PLK1: variants seen among roughly 807,000 people sequenced by gnomAD.
PLK1 encodes the protein polo like kinase 1.
PLK1 carries 6 observed loss-of-function variants against 56.7 expected under a neutral mutation model. The ratio of observed to expected loss-of-function variants is 0.11; its 90% CI spans 0.06 to 0.21. The LOEUF (loss-of-function observed/expected upper bound fraction) is 0.21. Among genes scored for constraint, PLK1 ranks in the 10% least tolerant of loss-of-function variants. PLK1 has a pLI of 1.00. For missense variants in PLK1, 546 were observed against 814.4 expected (o/e 0.67, Z 4.01); for synonymous variants, 298 against 325.0 (o/e 0.92, Z 0.89).
At chr16:23,679,473 TCCCGC>T in intron 1 of PLK1, 133 bp downstream of exon 1, 1 of 786,874 alleles carries the variant, frequency 1.3e-6, no homozygotes, top group South Asian at 1.8e-5. Context: ...GCTGGGAGCC[TCCCGC>T]TTACGTATGG....
chr16:23,688,618 G>A (rs759630351), intron 6 of PLK1, 50 bp from the exon 7 acceptor site: 1 of 1,383,532 alleles, frequency 7.2e-7, no homozygotes, highest in South Asian at 1.2e-5. Flanking sequence ...TGGAGCAGAG[G>A]GGAAGAGGCT....
chr16:23,684,217 C>T (rs754900865), intron 5 of PLK1, 128 bp downstream of exon 5: 11 of 693,880 alleles, frequency 1.6e-5, no homozygotes, highest in Admixed American at 7.6e-5. Context: ...TCCTTCAATC[C>T]GTGGTTCCAA....
chr16:23,679,088 C>G lies in PLK1; in HGVS notation c.156C>G (p.Arg52=), dbSNP rs1334879283. The part of the protein sequence containing the change: ...EVLVDPRSRR[R]YVRGRFLGKG... ...TAGTGGACCCACGCAGCCGGCGGCG[C>G]TATGTGCGGGGCCGCTTTTTGGGCA... Residue 52 remains arginine (R), a synonymous_variant, in exon 1 of 10, where the codon CGC becomes CGG. Coordinates refer to ENST00000300093, the MANE Select transcript of PLK1 (RefSeq NM_005030.6). 1 of 1,606,578 alleles carries G rather than the reference C, an allele frequency of 6.2e-7. No individual in the cohort carries two copies. Among genetic ancestry groups the G allele is most frequent in the East Asian group, 2.2e-5 (1 of 44,652 alleles).
Position 23,684,957 on chromosome 16 carries a change from C to CTTT in PLK1, c.1036+908_1036+910dup, listed in dbSNP as rs71154221. Among the ~76,000 whole-genome samples the CTTT allele has an allele frequency of 1.1e-3, 62 of 56,940 alleles. 14 individuals carry two copies. Among genetic ancestry groups the CTTT allele is most frequent in the Non-Finnish European group, 1.6e-3 (49 of 30,368 alleles). 37.4% of individuals were successfully genotyped at this position (56,940 alleles called of 152,430 possible). A position where few individuals can be genotyped will look rare whatever the true frequency, so the allele number is the denominator to read the frequency against. ...ACAGGCGTGAACCACCAGGCCCGGC[C>CTTT]TTTTTTTTTTTTTTTTTTTTTTTTT... is the stretch of plus-strand genomic sequence containing the variant. On this transcript the variant is annotated intron_variant, in intron 5 of 9. Transcript: ENST00000300093.
At chr16:23,683,780 T>C in intron 4 of PLK1, 90 bp from the exon 5 acceptor site, 2 of 959,758 alleles carry the variant, frequency 2.1e-6, no homozygotes, top group Non-Finnish European at 3.4e-6. Flanking sequence ...GGGCTGCATG[T>C]GGGCTGGGGA....
rs778276138 is a variant in PLK1 at position 23,687,607 on chromosome 16, G to A, written c.1175G>A (p.Arg392His). The A allele has an allele frequency of 1.6e-5, 25 of 1,586,832 alleles. No individual in the cohort carries two copies. Among genetic ancestry groups the A allele is most frequent in the African/African-American group, 8.1e-5 (6 of 74,228 alleles). The change falls in exon 6 of 10, where the codon CGT becomes CAT. Residue 392 changes from arginine to histidine, a missense_variant. Around this residue, in one of 7 missense-constraint regions of PLK1, gnomAD observed 157 missense variants for 184.0 expected, o/e 0.85. Transcript: ENST00000300093. ...HSVNASKPSE[R>H]GLVRQEEAED... ...GTCAATGCCTCCAAGCCCTCGGAGCGTGGGCTGGTCAGGCAAGGTGGGTAC... is the reference window on the plus strand; with the variant it reads ...GTCAATGCCTCCAAGCCCTCGGAGCATGGGCTGGTCAGGCAAGGTGGGTAC...
chr16:23,679,284 G>A lies in PLK1; in HGVS notation c.352G>A (p.Gly118Ser), dbSNP rs1158092975. The A allele has an allele frequency of 1.2e-6, 2 of 1,613,988 alleles. No homozygotes were observed. Among genetic ancestry groups the A allele is most frequent in the Non-Finnish European group, 1.7e-6 (2 of 1,179,994 alleles). Reference protein sequence around the residue: ...LAHQHVVGFHGFFEDNDFVFV... With the variant: ...LAHQHVVGFHSFFEDNDFVFV... ...CCACCAGCACGTCGTAGGATTCCAC[G>A]GCTTTTTCGAGGACAACGACTTCGT... is the stretch of plus-strand genomic sequence containing the variant. The change falls in exon 1 of 10, where the codon GGC becomes AGC. Residue 118 changes from glycine (G) to serine (S), a missense_variant. Coordinates refer to ENST00000300093, the MANE Select transcript of PLK1 (RefSeq NM_005030.6).
chr16:23,686,196 G>A (rs889481829), intron 5 of PLK1, among the ~76,000 whole-genome samples: 15 of 151,818 alleles, frequency 9.9e-5, no homozygotes, highest in African/African-American at 2.9e-4. Context: ...GTGCCACCGC[G>A]TCTGACCAAT....
At position 23,690,164 on chromosome 16, in the gene PLK1, C is replaced by T. The variant is rs761051290; in HGVS notation, c.*101C>T. ...GGTGCCATGTCTGCAGTGTGCCCCCCAGCCCCGGTGGCTGGGCAGAGCTGC... is the reference window on the plus strand; with the variant it reads ...GGTGCCATGTCTGCAGTGTGCCCCCTAGCCCCGGTGGCTGGGCAGAGCTGC... On this transcript the variant is annotated 3_prime_UTR_variant, in exon 10 of 10. Transcript: ENST00000300093. The T allele has an allele frequency of 3.4e-6, 3 of 889,412 alleles. No homozygotes were observed. Among genetic ancestry groups the T allele is most frequent in the African/African-American group, 3.3e-5 (2 of 61,372 alleles). The allele number at this position is 889,412 out of a possible 1,614,324, so 55.1% of individuals were successfully genotyped here. A position where few individuals can be genotyped will look rare whatever the true frequency, so the allele number is the denominator to read the frequency against.
Position 23,683,873 on chromosome 16 carries a change from A to G in PLK1, c.820A>G (p.Ile274Val), listed in dbSNP as rs753166578. 11 of 1,613,428 alleles carry G rather than the reference A, an allele frequency of 6.8e-6. No homozygotes were observed. Among genetic ancestry groups the G allele is most frequent in the East Asian group, 2.2e-5 (1 of 44,874 alleles). Reference sequence around the variant, plus strand: ...GCTGTCCCTCTCTCTGCCCCAGCACATCAACCCCGTGGCCGCCTCCCTCAT... The same window carrying G: ...GCTGTCCCTCTCTCTGCCCCAGCACGTCAACCCCGTGGCCGCCTCCCTCAT... ...KKNEYSIPKH[I>V]NPVAASLIQK... The change falls in exon 5 of 10, where the codon ATC (isoleucine) becomes GTC (valine). Residue 274 changes from isoleucine to valine, a missense_variant. Coordinates refer to ENST00000300093, the MANE Select transcript of PLK1 (RefSeq NM_005030.6).
chr16:23,683,008 T>TG (rs1959362181), intron 4 of PLK1, among the ~76,000 whole-genome samples: 1 of 140,896 alleles, frequency 7.1e-6, no homozygotes, highest in Admixed American at 7.4e-5. Context: ...TTTTTTTTTT[T>TG]GAGATGGAGT....
rs769722618 is a variant in PLK1 at position 23,690,239 on chromosome 16, C to T, written c.*176C>T. On this transcript the variant is annotated 3_prime_UTR_variant, in exon 10 of 10. Transcript: ENST00000300093. ...TGTATAAGTTATTTTTGTACATGTTCGGGTGTGGGTTCTACAGCCTTGTCC... is the reference window on the plus strand; with the variant it reads ...TGTATAAGTTATTTTTGTACATGTTTGGGTGTGGGTTCTACAGCCTTGTCC... 2 of 618,944 alleles carry T rather than the reference C, an allele frequency of 3.2e-6. No individual in the cohort carries two copies. Among genetic ancestry groups the T allele is most frequent in the Non-Finnish European group, 2.9e-6 (1 of 344,268 alleles). 38.3% of individuals were successfully genotyped at this position (618,944 alleles called of 1,614,324 possible).
At chr16:23,680,378 G>T in intron 2 of PLK1, 126 bp downstream of exon 2, 5 of 684,648 alleles carry the variant, frequency 7.3e-6, no homozygotes, top group Admixed American at 2.6e-5. Context: ...TTATTTTTTT[G>T]TGCCCCAATG....
In PLK1 at chr16:23,689,174, A is replaced by G. The variant is rs1959488004; in HGVS notation, c.1271-64A>G. The G allele has an allele frequency of 1.5e-5, 22 of 1,455,592 alleles. No homozygotes were observed. Among genetic ancestry groups the G allele is most frequent in the Non-Finnish European group, 1.9e-5 (20 of 1,049,330 alleles). The allele number at this position is 1,455,592 out of a possible 1,614,324, so 90.2% of individuals were successfully genotyped here. A position where few individuals can be genotyped will look rare whatever the true frequency, so the allele number is the denominator to read the frequency against. On this transcript the variant is annotated intron_variant, in intron 7 of 9. Transcript: ENST00000300093. This position sits in a 1 kb window ranked among gnomAD's most constrained non-coding sequence, Gnocchi z 4.8. The stretch of plus-strand genomic sequence containing the variant: ...GCTGGAATCACAGGCATGTGCCACC[A>G]CGCCCGGTCCCACTCCCCACTTTCT...
rs887178996 is a variant in PLK1 at position 23,689,959 on chromosome 16, T to C, written c.1708T>C (p.Tyr570His). 6.2e-7 allele frequency: 1 copy of C among 1,613,656 alleles called. No homozygotes were observed. Among genetic ancestry groups the C allele is most frequent in the Admixed American group, 1.7e-5 (1 of 60,004 alleles). Reference sequence around the variant, plus strand: ...ATACCGCCTGAGTCTCCTGGAGGAGTACGGCTGCTGCAAGGAGCTGGCCAG... The same window carrying C: ...ATACCGCCTGAGTCTCCTGGAGGAGCACGGCTGCTGCAAGGAGCTGGCCAG... ...RTYRLSLLEE[Y>H]GCCKELASRL... Residue 570 changes from tyrosine (Y) to histidine (H), a missense_variant, in exon 10 of 10, where the codon TAC becomes CAC. Physicochemically the swap from Tyr to His is moderately conservative, Grantham distance 83. This residue lies in a region of PLK1 where 72 missense variants were observed against 77.9 expected (regional missense o/e 0.92). Transcript: ENST00000300093. This position sits in a 1 kb window ranked among gnomAD's most constrained non-coding sequence, Gnocchi z 4.8.
intron 3 of PLK1, 50 bp downstream of exon 3, chr16:23,681,108 T>C: frequency 6.4e-7 from 1 of 1,552,268 alleles, no homozygotes; most frequent in Non-Finnish European, 8.8e-7. Flanking sequence ...AGGGGCAACT[T>C]TGGGACATCC....
intron 2 of PLK1, 38 bp downstream of exon 2, chr16:23,680,290 A>G: frequency 1.3e-6 from 2 of 1,588,444 alleles, no homozygotes; most frequent in Non-Finnish European, 1.7e-6. Context: ...TGACATCACT[A>G]CAAGAGGCTG....
rs911004514 is a variant in PLK1, at chr16:23,684,197, C to T, written c.1036+108C>T. ...CTGAGAGCTCAGGTGTGGAGTAGGA[C>T]AGGCCTCTGTCCTTCAATCCGTGGT... On this transcript the variant is annotated intron_variant, in intron 5 of 9. Transcript: ENST00000300093. The T allele has an allele frequency of 4.5e-5, 36 of 804,720 alleles. No individual in the cohort carries two copies. In the Admixed American group the frequency reaches 7.4e-4, roughly 16 times the overall value. 49.8% of individuals were successfully genotyped at this position (804,720 alleles called of 1,614,324 possible).
intron 2 of PLK1, 66 bp downstream of exon 2, chr16:23,680,318 GGA>G: frequency 6.9e-7 from 1 of 1,441,710 alleles, no homozygotes; most frequent in Non-Finnish European, 9.7e-7. Flanking sequence ...GAGGAGGCTG[GGA>G]GAAAGGAAGG....
Sources: allele counts gnomAD v4.1 joint callset (sites outside exome capture counted in the v4.1 genomes callset), GRCh38; gene constraint gnomAD v4.1.1; regional missense constraint gnomAD v4.1.1; non-coding constraint Gnocchi (gnomAD v3.1); transcripts MANE v1.5; gene names NCBI Gene and HGNC (gene_info 2026-07-23, HGNC 2026-07-21).